Variants in ZFHX3 observed in about 807,000 individuals in gnomAD.
ZFHX3 encodes zinc finger homeobox protein 3.
A neutral mutation model predicts 279.1 loss-of-function variants in ZFHX3; 42 were observed. The observed-to-expected ratio is 0.15, with a 90% CI of 0.12 to 0.19. The LOEUF is 0.19. Among genes scored for constraint, ZFHX3 ranks in the 10% least tolerant of loss-of-function variants. The pLI is 1.00. For synonymous variants in ZFHX3, 2,293 were observed against 1,957.8 expected, an observed-to-expected ratio of 1.17 and a Z score of -4.52; for missense variants, 4,981 against 4,754.0, an observed-to-expected ratio of 1.05 and a Z score of -1.40.
intron 2 of ZFHX3, among the ~76,000 whole-genome samples, chr16:73,677,525 C>T (rs2052967090): frequency 6.6e-6 from 1 of 151,840 alleles, no homozygotes; most frequent in African/African-American, 2.4e-5. Flanking sequence ...TTAGACCTGG[C>T]TCTTCCACAC....
intron 5 of ZFHX3, among the ~76,000 whole-genome samples, chr16:73,239,633 G>C (rs1296413811): frequency 6.6e-6 from 1 of 152,176 alleles, no homozygotes; most frequent in Non-Finnish European, 1.5e-5. Context: ...AGATTCTGGG[G>C]CACTCAATTA....
intron 2 of ZFHX3, among the ~76,000 whole-genome samples, chr16:73,578,394 A>G (rs986912759): frequency 2.0e-5 from 3 of 151,958 alleles, no homozygotes; most frequent in African/African-American, 7.2e-5. Context: ...AAAAAAAAAA[A>G]AACAAAGGGA....
At chr16:73,187,583 G>A (rs1967941892) in intron 5 of ZFHX3, among the ~76,000 whole-genome samples, 1 of 152,200 alleles carries the variant, frequency 6.6e-6, no homozygotes, top group Non-Finnish European at 1.5e-5. Context: ...GCTGGCCTGT[G>A]AGTTAAACTT....
In ZFHX3 at chr16:73,476,305, C is replaced by A. The variant is rs146803210; in HGVS notation, c.-1546-20047G>T. On this transcript the variant is annotated intron_variant, in intron 2 of 17. Coordinates refer to the ZFHX3 transcript ENST00000641206. ...CGAGATTTTGATTAAATATATCCAACTGGTGTTGAATAAAATATAACCACA... is the reference window on the plus strand; with the variant it reads ...CGAGATTTTGATTAAATATATCCAAATGGTGTTGAATAAAATATAACCACA... Among the ~76,000 whole-genome samples, 353 of 152,150 alleles carry A rather than the reference C, an allele frequency of 2.3e-3. 1 individual carries two copies. The highest frequency in any genetic ancestry group is 8.0e-3 in the African/African-American group (332 of 41,492).
chr16:73,487,471 G>A (rs1456585045), intron 2 of ZFHX3: 1 of 440,554 alleles, frequency 2.3e-6, no homozygotes, highest in Non-Finnish European at 4.5e-6. Context: ...CATGATTATG[G>A]CTCCTTGCAG....
At chr16:73,272,609 C>A (rs2014177170) in intron 4 of ZFHX3, among the ~76,000 whole-genome samples, 1 of 152,144 alleles carries the variant, frequency 6.6e-6, no homozygotes, top group Admixed American at 6.5e-5. Context: ...CCTCAAAGAA[C>A]CTAGCGTTAT....
chr16:73,567,254 A>G (rs1315974804), intron 2 of ZFHX3, among the ~76,000 whole-genome samples: 1 of 151,596 alleles, frequency 6.6e-6, no homozygotes, highest in Non-Finnish European at 1.5e-5. Flanking sequence ...CTCCTTACTG[A>G]TTACATCTGC....
At chr16:73,044,810 G>A (rs1173816845) in intron 1 of ZFHX3, among the ~76,000 whole-genome samples, 9 of 152,068 alleles carry the variant, frequency 5.9e-5, no homozygotes, top group Admixed American at 6.6e-5. Flanking sequence ...TAGTAGAGAC[G>A]GGGTTTCTCC....
At chr16:73,546,502 G>T (rs971466749) in intron 2 of ZFHX3, among the ~76,000 whole-genome samples, 11 of 151,510 alleles carry the variant, frequency 7.3e-5, no homozygotes, top group Non-Finnish European at 1.5e-4. Context: ...TTGGCGGGGG[G>T]CGGGGGCGGG....
intron 4 of ZFHX3, among the ~76,000 whole-genome samples, chr16:72,861,716 C>G (rs1340657005): frequency 6.6e-6 from 1 of 152,090 alleles, no homozygotes; most frequent in African/African-American, 2.4e-5. Flanking sequence ...AAAATTTGCA[C>G]AAGAATAGAT....
intron 1 of ZFHX3, among the ~76,000 whole-genome samples, chr16:73,024,932 C>G (rs556775924): frequency 6.6e-6 from 1 of 152,158 alleles, no homozygotes; most frequent in Non-Finnish European, 1.5e-5. Context: ...GCTCTCTACT[C>G]CCCAACACAA....
At chr16:73,020,249 A>G (rs1320193700) in intron 1 of ZFHX3, among the ~76,000 whole-genome samples, 1 of 152,168 alleles carries the variant, frequency 6.6e-6, no homozygotes, top group African/African-American at 2.4e-5. Context: ...ACATACGCAA[A>G]CTTTACATTG....
At chr16:73,744,982 T>G (rs2053690803) in intron 1 of ZFHX3, among the ~76,000 whole-genome samples, 1 of 152,202 alleles carries the variant, frequency 6.6e-6, no homozygotes, top group Admixed American at 6.5e-5. Context: ...CTTGGTAGAA[T>G]AAGCTATTGT....
chr16:73,873,123 C>T (rs1228594901), intron 1 of ZFHX3, among the ~76,000 whole-genome samples: 8 of 27,150 alleles, frequency 2.9e-4, no homozygotes, highest in African/African-American at 1.3e-3. Context: ...GTAGTGGTGG[C>T]GGTGGATGGT....
chr16:73,814,853 C>A (rs995001918), intron 1 of ZFHX3, among the ~76,000 whole-genome samples: 1 of 152,150 alleles, frequency 6.6e-6, no homozygotes, highest in African/African-American at 2.4e-5. Context: ...CAGGAGTGAG[C>A]CTTTCACACC....
At chr16:72,858,019 G>C (rs1435592054) in intron 4 of ZFHX3, among the ~76,000 whole-genome samples, 1 of 152,210 alleles carries the variant, frequency 6.6e-6, no homozygotes, top group Non-Finnish European at 1.5e-5. Flanking sequence ...CAGCCAATCA[G>C]AACTAATCTC....
intron 2 of ZFHX3, among the ~76,000 whole-genome samples, chr16:73,563,488 A>G (rs973026944): frequency 6.6e-6 from 1 of 151,808 alleles, no homozygotes; most frequent in African/African-American, 2.4e-5. Flanking sequence ...TGATCTCCTG[A>G]CCTCGTGATC....
chr16:73,705,874 C>G (rs957805534), intron 1 of ZFHX3, among the ~76,000 whole-genome samples: 1 of 152,176 alleles, frequency 6.6e-6, no homozygotes. Flanking sequence ...CAGATAGGTT[C>G]CTCTCAATTT....
chr16:73,625,916 G>A (rs1031169042), intron 2 of ZFHX3, among the ~76,000 whole-genome samples: 4 of 152,114 alleles, frequency 2.6e-5, no homozygotes, highest in Non-Finnish European at 5.9e-5. Context: ...GGAGTTCAGC[G>A]GCACGATCTC....
Sources: allele counts gnomAD v4.1 joint callset (sites outside exome capture counted in the v4.1 genomes callset), GRCh38; gene constraint gnomAD v4.1.1; transcripts MANE v1.5; gene names NCBI Gene and HGNC (gene_info 2026-07-23, HGNC 2026-07-21).